JAKMIP1: variants seen among roughly 807,000 people sequenced by gnomAD.
JAKMIP1 encodes janus kinase and microtubule-interacting protein 1.
A neutral mutation model predicts 113.0 loss-of-function variants in JAKMIP1; 33 were observed. That is an observed-to-expected ratio of 0.29 (90% CI 0.22 to 0.39). The LOEUF is 0.39. JAKMIP1 is among the 10% of genes least tolerant of loss of function. The pLI is 1.00. For missense variants in JAKMIP1, 813 were observed against 1,080.5 expected (o/e 0.75, Z 3.47); for synonymous variants, 480 against 459.9 (o/e 1.04, Z -0.56).
chr4:6,129,172 G>A lies in JAKMIP1; in HGVS notation c.-147-16175C>T, dbSNP rs1718159959. ...GGTGTCTTCACATCTACAGAGTTCA[G>A]GCAGGAGGACACACGCCATCCAGCC... On this transcript the variant is annotated intron_variant, in intron 1 of 20. Transcript: ENST00000409021. The surrounding 1 kb of genome is among the most constrained non-coding windows in gnomAD (Gnocchi z 5.4). Among the ~76,000 whole-genome samples, 1 of 152,180 alleles carries A rather than the reference G, an allele frequency of 6.6e-6. No individual in the cohort carries two copies. The highest frequency in any genetic ancestry group is 1.5e-5 in the Non-Finnish European group (1 of 68,040).
intron 1 of JAKMIP1, among the ~76,000 whole-genome samples, chr4:6,124,339 G>T (rs1717121349): frequency 6.6e-6 from 1 of 152,190 alleles, no homozygotes; most frequent in Non-Finnish European, 1.5e-5. Flanking sequence ...GCTGCCACCT[G>T]CACCAGCACA....
chr4:6,033,149 C>T (rs949463837), intron 19 of JAKMIP1, among the ~76,000 whole-genome samples: 5 of 152,206 alleles, frequency 3.3e-5, no homozygotes, highest in African/African-American at 1.2e-4. Context: ...ATCCTCTTCT[C>T]CTCTTAGTTA....
rs1207875665 is a variant in JAKMIP1 at position 6,094,665 on chromosome 4, T to A, written c.625-9036A>T. On this transcript the variant is annotated intron_variant, in intron 3 of 20. Transcript: ENST00000409021. The surrounding 1 kb of genome is among the most constrained non-coding windows in gnomAD (Gnocchi z 4.2). ...ACTCTTTCAAAAATAAAGTTTTAAC[T>A]CTTATTAGGAAAGGAATGCAGATCC... Among the ~76,000 whole-genome samples, 1 of 152,212 alleles carries A rather than the reference T, an allele frequency of 6.6e-6. No individual in the cohort carries two copies. Among genetic ancestry groups the A allele is most frequent in the African/African-American group, 2.4e-5 (1 of 41,456 alleles).
chr4:6,090,450 G>T (rs1721892552), intron 3 of JAKMIP1, among the ~76,000 whole-genome samples: 1 of 152,160 alleles, frequency 6.6e-6, no homozygotes, highest in Admixed American at 6.5e-5. Context: ...GAACCGTAGA[G>T]AAAATAAATG....
chr4:6,181,145 T>A lies in JAKMIP1; in HGVS notation c.-148+19108A>T, dbSNP rs1725968357. On this transcript the variant is annotated intron_variant, in intron 1 of 20. Coordinates refer to ENST00000409021, the MANE Select transcript of JAKMIP1 (RefSeq NM_001099433.2). This position sits in a 1 kb window ranked among gnomAD's most constrained non-coding sequence, Gnocchi z 5.4. ...TACTCACCACCCCGTGTGGGCTTGATATGACTAGATGCTGAACAGGGCGCT... is the reference window on the plus strand; with the variant it reads ...TACTCACCACCCCGTGTGGGCTTGAAATGACTAGATGCTGAACAGGGCGCT... Among the ~76,000 whole-genome samples, 1 of 152,060 alleles carries A rather than the reference T, an allele frequency of 6.6e-6. No homozygotes were observed. The highest frequency in any genetic ancestry group is 2.4e-5 in the African/African-American group (1 of 41,394).
At position 6,157,496 on chromosome 4, in the gene JAKMIP1, C is replaced by T. The variant is rs1446743579; in HGVS notation, c.-148+42757G>A. On this transcript the variant is annotated intron_variant, in intron 1 of 20. Transcript: ENST00000409021. The surrounding 1 kb of genome is among the most constrained non-coding windows in gnomAD (Gnocchi z 4.7). ...AGAATCTTCAAATTTTCAAATCAAA[C>T]TTCAGCGTACACTTTCCGTAACACC... Among the ~76,000 whole-genome samples the T allele has an allele frequency of 6.6e-6, 1 of 152,182 alleles. No individual in the cohort carries two copies. The highest frequency in any genetic ancestry group is 1.5e-5 in the Non-Finnish European group (1 of 68,024).
intron 8 of JAKMIP1, among the ~76,000 whole-genome samples, chr4:6,071,219 G>A (rs141365678): frequency 2.5e-4 from 38 of 152,216 alleles, no homozygotes; most frequent in African/African-American, 8.4e-4. Flanking sequence ...GGCACCACCC[G>A]GCCAGGTAGT....
At position 6,067,075 on chromosome 4, in the gene JAKMIP1, C is replaced by G. The variant is rs1232750891; in HGVS notation, c.1303-2067G>C. Among the ~76,000 whole-genome samples the G allele has an allele frequency of 6.6e-6, 1 of 152,174 alleles. No homozygotes were observed. The highest frequency in any genetic ancestry group is 2.4e-5 in the African/African-American group (1 of 41,436). ...CCTCCTGCTTCACCCCCGCCCCAGC[C>G]TCTGGGGCCTCCTTCTTTATTCCTT... On this transcript the variant is annotated intron_variant, in intron 8 of 20. Transcript: ENST00000409021. This position sits in a 1 kb window ranked among gnomAD's most constrained non-coding sequence, Gnocchi z 4.6.
intron 1 of JAKMIP1, among the ~76,000 whole-genome samples, chr4:6,144,914 A>G (rs9993666): frequency 0.49 from 74,233 of 152,100 alleles, 21,777 homozygotes; most frequent in East Asian, 0.8. Flanking sequence ...AAAGGCACCC[A>G]GATCAGAAAA....
intron 1 of JAKMIP1, among the ~76,000 whole-genome samples, chr4:6,191,530 T>A (rs994338169): frequency 6.6e-6 from 1 of 152,230 alleles, no homozygotes; most frequent in Non-Finnish European, 1.5e-5. Flanking sequence ...ACTGTCATTG[T>A]TTGTCATCAG....
At chr4:6,125,616 C>CAA (rs1717329779) in intron 1 of JAKMIP1, among the ~76,000 whole-genome samples, 2 of 129,296 alleles carry the variant, frequency 1.5e-5, no homozygotes, top group East Asian at 2.4e-4. Flanking sequence ...CACACACACA[C>CAA]CATACAGAAA....
In JAKMIP1 at chr4:6,117,609, G is replaced by T. The variant is rs865900441; in HGVS notation, c.-147-4612C>A. On this transcript the variant is annotated intron_variant, in intron 1 of 20. Coordinates refer to ENST00000409021, the MANE Select transcript of JAKMIP1 (RefSeq NM_001099433.2). ...AGGAGACAGGGTTTTGAGATCAACC[G>T]GTCTGACCAAAGTTTATTAGGCGGG... 5.9e-5 allele frequency among the ~76,000 whole-genome samples: 9 copies of T among 152,076 alleles called. No individual in the cohort carries two copies. In the South Asian group the frequency reaches 6.3e-4, roughly 11 times the overall value.
rs180935615 is a variant in JAKMIP1, at chr4:6,120,739, G to C, written c.-147-7742C>G. Among the ~76,000 whole-genome samples, 411 of 152,306 alleles carry C rather than the reference G, an allele frequency of 2.7e-3. 4 individuals carry two copies. The highest frequency in any genetic ancestry group is 9.6e-3 in the African/African-American group (399 of 41,550). Reference sequence around the variant, plus strand: ...TCTTTTGAGCAGAACTGAAATACCAGAGTGAAGCTCACACCCCAGGCCAGC... The same window carrying C: ...TCTTTTGAGCAGAACTGAAATACCACAGTGAAGCTCACACCCCAGGCCAGC... On this transcript the variant is annotated intron_variant, in intron 1 of 20. Transcript: ENST00000409021.
intron 1 of JAKMIP1, among the ~76,000 whole-genome samples, chr4:6,171,409 C>T (rs1437394520): frequency 6.6e-6 from 1 of 151,676 alleles, no homozygotes; most frequent in Non-Finnish European, 1.5e-5. Context: ...CACCAACCAC[C>T]ACCATCATCA....
chr4:6,147,301 T>TTTTGG (rs1174490200), intron 1 of JAKMIP1, among the ~76,000 whole-genome samples: 16 of 152,232 alleles, frequency 1.1e-4, no homozygotes, highest in Middle Eastern at 3.4e-3. Context: ...TTTTGTTTTG[T>TTTTGG]TTTGGTTTGG....
At chr4:6,126,776 C>T (rs867924588) in intron 1 of JAKMIP1, among the ~76,000 whole-genome samples, 4 of 151,870 alleles carry the variant, frequency 2.6e-5, no homozygotes. Context: ...CCCCCCCACA[C>T]CCATACACCA....
chr4:6,118,942 A>C (rs1487035518), intron 1 of JAKMIP1, among the ~76,000 whole-genome samples: 4 of 152,258 alleles, frequency 2.6e-5, no homozygotes, highest in Non-Finnish European at 4.4e-5. Flanking sequence ...GATGAAGTCT[A>C]AATCCATTGA....
chr4:6,187,514 C>T lies in JAKMIP1; in HGVS notation c.-148+12739G>A, dbSNP rs879713457. Among the ~76,000 whole-genome samples the T allele has an allele frequency of 3.9e-5, 6 of 152,334 alleles. No homozygotes were observed. Among genetic ancestry groups the T allele is most frequent in the Middle Eastern group, 3.4e-3 (1 of 292 alleles). ...TTGGCAAGTGATTAGGTCACGAGGG[C>T]GAGCCCTCATAAATGAGATTAGTGC... On this transcript the variant is annotated intron_variant, in intron 1 of 20. Coordinates refer to ENST00000409021, the MANE Select transcript of JAKMIP1 (RefSeq NM_001099433.2). The surrounding 1 kb of genome is among the most constrained non-coding windows in gnomAD (Gnocchi z 4.2).
At position 6,094,326 on chromosome 4, in the gene JAKMIP1, CTCCTT is replaced by C. The variant is rs1449932080; in HGVS notation, c.625-8702_625-8698del. Among the ~76,000 whole-genome samples the C allele has an allele frequency of 5.3e-5, 8 of 152,348 alleles. No homozygotes were observed. The East Asian group carries it at 5.8e-4, about 11-fold the overall frequency. On this transcript the variant is annotated intron_variant, in intron 3 of 20. Coordinates refer to ENST00000409021, the MANE Select transcript of JAKMIP1 (RefSeq NM_001099433.2). This position sits in a 1 kb window ranked among gnomAD's most constrained non-coding sequence, Gnocchi z 4.2. ...CTGGCAAAAAAAGAAAGAAAACACT[CTCCTT>C]TATCTCCCAGCTGCCTGAAGCTTGA... is the stretch of plus-strand genomic sequence containing the variant.
Sources: gnomAD v4.1 joint callset for allele counts (sites outside exome capture counted in the v4.1 genomes callset) on GRCh38, gnomAD v4.1.1 for gene constraint, Gnocchi (gnomAD v3.1) non-coding constraint, MANE v1.5 for transcripts, NCBI Gene and HGNC (gene_info 2026-07-23, HGNC 2026-07-21) for gene names.